ADK: variants seen among roughly 807,000 people sequenced by gnomAD.
The protein encoded by ADK is N6,N6-dimethyladenosine kinase.
In ADK, 24 loss-of-function variants were observed where a neutral mutation model predicts 44.7. The observed-to-expected ratio is 0.54, with a 90% CI of 0.39 to 0.76. ADK has a LOEUF of 0.76. Ranked by LOEUF, ADK falls within the 30% of genes least tolerant of loss-of-function variation. The pLI is 0.00. For missense variants in ADK, 321 were observed against 425.1 expected (o/e 0.76, Z 2.15); for synonymous variants, 128 against 142.6 (o/e 0.90, Z 0.73).
At chr10:74,521,142 A>G (rs1848816756) in intron 6 of ADK, among the ~76,000 whole-genome samples, 1 of 152,208 alleles carries the variant, frequency 6.6e-6, no homozygotes, top group Non-Finnish European at 1.5e-5. Flanking sequence ...AAGAAAAATT[A>G]TGGATGGCAT....
At chr10:74,446,110 A>G (rs1383872568) in intron 6 of ADK, among the ~76,000 whole-genome samples, 1 of 152,096 alleles carries the variant, frequency 6.6e-6, no homozygotes, top group Non-Finnish European at 1.5e-5. Flanking sequence ...AATGAATAGT[A>G]TATACTTTAA....
rs143487792 is a variant in ADK, at chr10:74,663,043, C to G, written c.878-7140C>G. On this transcript the variant is annotated intron_variant, in intron 9 of 10. Transcript: ENST00000539909. ...TTGAGCTCACGATTTCAAGGCAAGC[C>G]TGGCCGACATGATGAAACCCTATCT... is the stretch of plus-strand genomic sequence containing the variant. 5.4e-3 allele frequency among the ~76,000 whole-genome samples: 827 copies of G among 151,940 alleles called. 8 individuals are homozygous for G. Among genetic ancestry groups the G allele is most frequent in the African/African-American group, 0.019 (781 of 41,406 alleles).
intron 7 of ADK, among the ~76,000 whole-genome samples, chr10:74,564,937 T>C (rs1850597910): frequency 6.6e-6 from 1 of 152,112 alleles, no homozygotes. Context: ...TATAGTTCAG[T>C]GGCTCTGTTG....
At chr10:74,313,965 T>A (rs11000988) in intron 3 of ADK, among the ~76,000 whole-genome samples, 19,515 of 152,060 alleles carry the variant, frequency 0.13, 1,312 homozygotes, top group Middle Eastern at 0.17. Context: ...TTTTCAAAAA[T>A]TTTTCAATAA....
intron 10 of ADK, among the ~76,000 whole-genome samples, chr10:74,677,316 TAA>T (rs1855427543): frequency 6.6e-6 from 1 of 152,216 alleles, no homozygotes; most frequent in South Asian, 2.1e-4. Flanking sequence ...AAAAAATTTT[TAA>T]AGAGTTTTTT....
chr10:74,340,592 A>G lies in ADK; in HGVS notation c.273+25847A>G, dbSNP rs1353286646. Among the ~76,000 whole-genome samples, 5 of 152,150 alleles carry G rather than the reference A, an allele frequency of 3.3e-5. No homozygotes were observed. The South Asian group carries it at 8.3e-4, about 25-fold the overall frequency. Reference sequence around the variant, plus strand: ...GAAAATTCAGTGTATATTTCAGTGTATATATATTATGTGTTTATATATTGA... The same window carrying G: ...GAAAATTCAGTGTATATTTCAGTGTGTATATATTATGTGTTTATATATTGA... On this transcript the variant is annotated intron_variant, in intron 4 of 10. Transcript: ENST00000539909.
chr10:74,642,149 A>G (rs1400713611), intron 9 of ADK, among the ~76,000 whole-genome samples: 1 of 152,210 alleles, frequency 6.6e-6, no homozygotes, highest in East Asian at 1.9e-4. Flanking sequence ...GCAAAAACTT[A>G]AATGTCATAC....
chr10:74,439,383 G>T (rs1341777041), intron 6 of ADK, among the ~76,000 whole-genome samples: 1 of 152,126 alleles, frequency 6.6e-6, no homozygotes, highest in African/African-American at 2.4e-5. Flanking sequence ...TTTACAGGCA[G>T]CTTTGAAGAC....
intron 9 of ADK, chr10:74,655,575 T>TG: frequency 2.1e-6 from 1 of 477,528 alleles, no homozygotes; most frequent in South Asian, 1.7e-5. Context: ...AAGAAAGAGG[T>TG]GGGGGTACCT....
intron 6 of ADK, among the ~76,000 whole-genome samples, chr10:74,469,036 T>C (rs1000057519): frequency 7.2e-5 from 11 of 152,044 alleles, no homozygotes; most frequent in African/African-American, 1.9e-4. Flanking sequence ...AAAATACATA[T>C]CATAAAATTT....
chr10:74,357,785 A>T (rs1286570201), intron 4 of ADK, among the ~76,000 whole-genome samples: 1 of 152,154 alleles, frequency 6.6e-6, no homozygotes, highest in African/African-American at 2.4e-5. Context: ...CATGCTTATA[A>T]TCTGTGATCA....
At chr10:74,504,169 A>G (rs560446025) in intron 6 of ADK, among the ~76,000 whole-genome samples, 1 of 152,288 alleles carries the variant, frequency 6.6e-6, no homozygotes, top group East Asian at 1.9e-4. Flanking sequence ...ATCGGTTTCA[A>G]AATTAAATTT....
chr10:74,231,957 G>T (rs1471088009), intron 3 of ADK, among the ~76,000 whole-genome samples: 3 of 149,274 alleles, frequency 2.0e-5, no homozygotes, highest in East Asian at 2.0e-4. Flanking sequence ...GCTTTTTTTT[G>T]TTTGTCTTTT....
Position 74,249,300 on chromosome 10 carries a change from A to C in ADK, c.194+24709A>C, listed in dbSNP as rs193148043. ...TTAGTTTTGAACATTTTTTATGACT[A>C]TAGAGTTGAAAGCCCAAAACACTAG... On this transcript the variant is annotated intron_variant, in intron 3 of 10. Transcript: ENST00000539909. Among the ~76,000 whole-genome samples the C allele has an allele frequency of 7.9e-5, 12 of 152,296 alleles. No individual in the cohort carries two copies. In the East Asian group the frequency reaches 2.1e-3, roughly 27 times the overall value.
intron 4 of ADK, among the ~76,000 whole-genome samples, chr10:74,374,146 G>A (rs1239050502): frequency 6.6e-6 from 1 of 152,256 alleles, no homozygotes; most frequent in Non-Finnish European, 1.5e-5. Flanking sequence ...GTTTTCGGAA[G>A]TGATGACTCA....
intron 10 of ADK, among the ~76,000 whole-genome samples, chr10:74,686,899 A>G (rs1186261162): frequency 1.3e-5 from 2 of 151,990 alleles, no homozygotes; most frequent in Non-Finnish European, 2.9e-5. Flanking sequence ...GATGGTCTCT[A>G]TATCCTCACC....
At chr10:74,580,583 A>G (rs1467974805) in intron 7 of ADK, among the ~76,000 whole-genome samples, 1 of 151,926 alleles carries the variant, frequency 6.6e-6, no homozygotes, top group Non-Finnish European at 1.5e-5. Flanking sequence ...CTAAAAAAAA[A>G]AAAAAAAGGA....
intron 6 of ADK, among the ~76,000 whole-genome samples, chr10:74,402,542 T>C (rs1258731987): frequency 6.6e-6 from 1 of 152,212 alleles, no homozygotes; most frequent in Non-Finnish European, 1.5e-5. Context: ...AATCAGCTAC[T>C]GAAGCTTGTG....
chr10:74,158,344 C>G (rs1286896740), intron 1 of ADK, among the ~76,000 whole-genome samples: 1 of 152,140 alleles, frequency 6.6e-6, no homozygotes, highest in Non-Finnish European at 1.5e-5. Flanking sequence ...CCAAATACCT[C>G]TGAAACTTGG....
Sources: gnomAD v4.1 joint callset for allele counts (sites outside exome capture counted in the v4.1 genomes callset) on GRCh38, gnomAD v4.1.1 for gene constraint, MANE v1.5 for transcripts, NCBI Gene and HGNC (gene_info 2026-07-23, HGNC 2026-07-21) for gene names.